Variants in IK observed in about 807,000 individuals in gnomAD.
IK encodes the protein protein Red.
Under a neutral mutation model 90.9 loss-of-function variants are expected in IK, and 47 were observed. The ratio of observed to expected loss-of-function variants is 0.52; its 90% CI spans 0.41 to 0.66. IK has a LOEUF of 0.66. Among genes scored for constraint, IK ranks in the 30% least tolerant of loss-of-function variants. IK has a pLI of 0.00. For synonymous variants in IK, 201 were observed against 227.5 expected, an observed-to-expected ratio of 0.88 and a Z score of 1.05; for missense variants, 385 against 709.3, an observed-to-expected ratio of 0.54 and a Z score of 5.19.
chr5:140,653,549 C>G (rs1757651347), intron 5 of IK, among the ~76,000 whole-genome samples: 1 of 151,660 alleles, frequency 6.6e-6, no homozygotes, highest in South Asian at 2.1e-4. Context: ...TGCTGAAGTG[C>G]TGGGATTACA....
intron 9 of IK, among the ~76,000 whole-genome samples, chr5:140,656,861 ATTCT>A (rs1757720093): frequency 2.6e-5 from 4 of 152,166 alleles, no homozygotes; most frequent in Middle Eastern, 3.4e-3. Flanking sequence ...GGCCTTATTC[ATTCT>A]TTCTATTTTT....
intron 4 of IK, 42 bp downstream of exon 4, chr5:140,652,189 T>C: frequency 2.0e-6 from 3 of 1,470,522 alleles, no homozygotes; most frequent in Non-Finnish European, 2.9e-6. Context: ...AGGTGGATAG[T>C]GTTTAGGGGA....
intron 1 of IK, 66 bp downstream of exon 1, chr5:140,647,990 C>A: frequency 6.8e-7 from 1 of 1,466,210 alleles, no homozygotes; most frequent in Non-Finnish European, 9.5e-7. Context: ...ATTATTGTAG[C>A]TTCTGAGCTT....
rs1246484640 is a variant in IK at position 140,659,079 on chromosome 5, G to A, written c.1091G>A (p.Arg364Gln). 6 of 1,612,926 alleles carry A rather than the reference G, an allele frequency of 3.7e-6. No homozygotes were observed. The highest frequency in any genetic ancestry group is 2.7e-5 in the African/African-American group (2 of 74,866). Residue 364 changes from arginine (R) to glutamine (Q), a missense_variant, in exon 12 of 20, where the codon CGG becomes CAG. Around this residue, in one of 8 missense-constraint regions of IK, gnomAD observed 139 missense variants for 172.0 expected, o/e 0.81. Coordinates refer to ENST00000417647, the MANE Select transcript of IK (RefSeq NM_006083.4). ...CGAGAGCGAGAGCGAGAACGAGATC[G>A]GGAACGAGAGCGAGAGCGGGACCGA... ...RDRERERERD[R>Q]ERERERDRER...
At position 140,654,017 on chromosome 5, in the gene IK, T is replaced by A. The variant is rs762821906; in HGVS notation, c.484T>A (p.Leu162Met). The part of the protein sequence containing the change: ...FLGGDMEHTH[L>M]VKGLDFALLQ... ...GGGTGGTGACATGGAACACACCCAT[T>A]TGGTGAAAGGCTTGGATTTTGCTCT... The change falls in exon 6 of 20, where the codon TTG becomes ATG. Residue 162 changes from leucine to methionine, a missense_variant. Coordinates refer to ENST00000417647, the MANE Select transcript of IK (RefSeq NM_006083.4). The A allele has an allele frequency of 6.2e-7, 1 of 1,610,640 alleles. No homozygotes were observed. The highest frequency in any genetic ancestry group is 8.5e-7 in the Non-Finnish European group (1 of 1,176,934).
At chr5:140,648,802 A>G in intron 2 of IK, 1 of 437,926 alleles carries the variant, frequency 2.3e-6, no homozygotes, top group Admixed American at 4.0e-5. Context: ...ACTTCTTCCA[A>G]TAGCAAATTA....
At position 140,656,006 on chromosome 5, in the gene IK, A is replaced by C; in HGVS notation, c.801+14A>C. 6.4e-7 allele frequency: 1 copy of C among 1,551,418 alleles called. No homozygotes were observed. Among genetic ancestry groups the C allele is most frequent in the South Asian group, 1.2e-5 (1 of 84,060 alleles). On this transcript the variant is annotated intron_variant, in intron 9 of 19. Coordinates refer to ENST00000417647, the MANE Select transcript of IK (RefSeq NM_006083.4). ...CCCACCATGGAGGTGAGTGAATGGA[A>C]TCCTGAGAGCCTATCATGTGAGCCT...
At chr5:140,657,445 C>G in intron 9 of IK, 109 bp from the exon 10 acceptor site, 1 of 749,562 alleles carries the variant, frequency 1.3e-6, no homozygotes, top group Non-Finnish European at 2.2e-6. Context: ...GTTTCCCTCC[C>G]TTCACCTACT....
At chr5:140,649,042 G>A (rs1757559409) in intron 2 of IK, 1 of 165,904 alleles carries the variant, frequency 6.0e-6, no homozygotes, top group South Asian at 1.2e-4. Context: ...TCTCCATGTT[G>A]ATCAGGCTGG....
At chr5:140,660,289 C>CTTATTTTTTTTTT in intron 15 of IK, 94 bp downstream of exon 15, 1 of 282,640 alleles carries the variant, frequency 3.5e-6, no homozygotes, top group South Asian at 3.3e-5. Context: ...CCCAGGGCTA[C>CTTATTTTTTTTTT]TTCTTTTTTT....
intron 4 of IK, 22 bp from the exon 5 acceptor site, chr5:140,652,955 A>G (rs775327923): frequency 3.1e-6 from 5 of 1,611,592 alleles, no homozygotes; most frequent in Admixed American, 3.3e-5. Context: ...AGCCTTATAC[A>G]TTTGCCTTTC....
chr5:140,650,870 C>T (rs2149805431), intron 2 of IK, among the ~76,000 whole-genome samples: 1 of 152,320 alleles, frequency 6.6e-6, no homozygotes, highest in Non-Finnish European at 1.5e-5. Context: ...TGAGCCACTG[C>T]ACCCGGCCAG....
chr5:140,650,003 A>G (rs562024656), intron 2 of IK, among the ~76,000 whole-genome samples: 4 of 152,282 alleles, frequency 2.6e-5, no homozygotes, highest in African/African-American at 7.2e-5. Flanking sequence ...TATCTTTCAG[A>G]GCAGTGACAA....
intron 1 of IK, 86 bp from the exon 2 acceptor site, chr5:140,648,385 G>T: frequency 1.7e-6 from 2 of 1,172,408 alleles, no homozygotes; most frequent in Non-Finnish European, 2.6e-6. Flanking sequence ...CTTTTGTTCT[G>T]TATTGTTCAC....
At position 140,655,811 on chromosome 5, in the gene IK, C is replaced by T. The variant is rs755625110; in HGVS notation, c.638-18C>T. ...TCTTGTAGATCCTGGCTACTTGCTG[C>T]TCTTCTCCTTATTGTAGGCCGCAAT... On this transcript the variant is annotated intron_variant, in intron 8 of 19. Coordinates refer to ENST00000417647, the MANE Select transcript of IK (RefSeq NM_006083.4). The T allele has an allele frequency of 1.0e-5, 16 of 1,606,578 alleles. No individual in the cohort carries two copies. The South Asian group carries it at 1.8e-4, about 18-fold the overall frequency.
chr5:140,648,044 GTATGTA>G (rs202067959), intron 1 of IK, 120 bp downstream of exon 1: 7,481 of 395,820 alleles, frequency 0.019, 160 homozygotes, highest in East Asian at 0.027. Flanking sequence ...GTGTGTGTGT[GTATGTA>G]TGTATGTGTG....
At position 140,662,450 on chromosome 5, in the gene IK, C is replaced by T; in HGVS notation, c.*121C>T. 1 of 1,099,506 alleles carries T rather than the reference C, an allele frequency of 9.1e-7. No individual in the cohort carries two copies. The highest frequency in any genetic ancestry group is 1.4e-6 in the Non-Finnish European group (1 of 731,494). The allele number at this position is 1,099,506 out of a possible 1,614,324, so 68.1% of individuals were successfully genotyped here. A position where few individuals can be genotyped will look rare whatever the true frequency, so the allele number is the denominator to read the frequency against. On this transcript the variant is annotated 3_prime_UTR_variant, in exon 20 of 20. Transcript: ENST00000417647. ...AATATAAAATTTTATTGTGTAATTA[C>T]TTGGTTCCATTAAAATTGGTTAACT...
At chr5:140,653,276 A>G (rs1757645235) in intron 5 of IK, 132 bp downstream of exon 5, 1 of 668,188 alleles carries the variant, frequency 1.5e-6, no homozygotes, top group African/African-American at 1.8e-5. Flanking sequence ...GCCACCCACA[A>G]AGGGCTGTTC....
rs1757798981 is a variant in IK at position 140,661,242 on chromosome 5, C to CGA, written c.1414-378_1414-377insGA. The CGA allele has an allele frequency of 4.0e-6, 1 of 251,658 alleles. No homozygotes were observed. The highest frequency in any genetic ancestry group is 8.2e-5 in the South Asian group (1 of 12,148). 15.6% of individuals were successfully genotyped at this position (251,658 alleles called of 1,614,324 possible). ...TAATAGTGAAGAAGTCTGTGTTCTT[C>CGA]CCCTGAGTTCACTGTATTGAAATAG... On this transcript the variant is annotated intron_variant, in intron 16 of 19. Coordinates refer to ENST00000417647, the MANE Select transcript of IK (RefSeq NM_006083.4). This position sits in a 1 kb window ranked among gnomAD's most constrained non-coding sequence, Gnocchi z 4.2.
Sources: allele counts gnomAD v4.1 joint callset (sites outside exome capture counted in the v4.1 genomes callset), GRCh38; gene constraint gnomAD v4.1.1; regional missense constraint gnomAD v4.1.1; non-coding constraint Gnocchi (gnomAD v3.1); transcripts MANE v1.5; gene names NCBI Gene and HGNC (gene_info 2026-07-23, HGNC 2026-07-21).